NBAS: variants seen among roughly 807,000 people sequenced by gnomAD.
NBAS encodes the protein NBAS subunit of NRZ tethering complex, also known as NAG/BC035112 fusion.
A neutral mutation model predicts 302.5 loss-of-function variants in NBAS; 219 were observed. That is an observed-to-expected ratio of 0.72 (90% CI 0.65 to 0.81). The LOEUF (loss-of-function observed/expected upper bound fraction) is 0.81. Ranked by LOEUF, NBAS falls within the 30% of genes least tolerant of loss-of-function variation. NBAS has a pLI of 0.00. For missense variants in NBAS, 2,932 were observed against 2,841.6 expected (o/e 1.03, Z -0.72); for synonymous variants, 1,118 against 1,021.6 (o/e 1.09, Z -1.80).
chr2:14,901,265 G>A, the NBAS span, among the ~76,000 whole-genome samples: 9 of 152,164 alleles, frequency 5.9e-5, no homozygotes, highest in South Asian at 6.2e-4. Flanking sequence ...AAATGGAATT[G>A]CAGCTCCATT....
chr2:14,842,075 C>T, the NBAS span, among the ~76,000 whole-genome samples: 1 of 137,240 alleles, frequency 7.3e-6, no homozygotes, highest in East Asian at 1.9e-4. Flanking sequence ...TAAACATGTT[C>T]CTGAACAACT....
chr2:15,054,098 G>A, the NBAS span, among the ~76,000 whole-genome samples: 49 of 152,244 alleles, frequency 3.2e-4, no homozygotes, highest in South Asian at 4.4e-3. Flanking sequence ...ATGTATGTGC[G>A]CTTTAGAAGC....
chr2:14,847,955 C>T, the NBAS span, among the ~76,000 whole-genome samples: 1 of 152,046 alleles, frequency 6.6e-6, no homozygotes, highest in Non-Finnish European at 1.5e-5. Context: ...TGGAATACAA[C>T]TAGAAATCAA....
intron 44 of NBAS, among the ~76,000 whole-genome samples, chr2:15,272,324 G>GAAAAAA (rs1669362051): frequency 6.6e-6 from 1 of 152,160 alleles, no homozygotes; most frequent in African/African-American, 2.4e-5. Flanking sequence ...TGTATGAATA[G>GAAAAAA]TACACATTTA....
chr2:14,975,535 G>T, the NBAS span, among the ~76,000 whole-genome samples: 1 of 152,152 alleles, frequency 6.6e-6, no homozygotes, highest in African/African-American at 2.4e-5. Context: ...TCTTTCTACT[G>T]CATGGCTTTG....
intron 38 of NBAS, among the ~76,000 whole-genome samples, chr2:15,326,617 A>C (rs1672080582): frequency 2.0e-5 from 3 of 152,192 alleles, no homozygotes; most frequent in South Asian, 2.1e-4. Context: ...TATATATTCA[A>C]TTTCAACTGT....
At chr2:15,537,203 G>A (rs1462436656) in intron 7 of NBAS, among the ~76,000 whole-genome samples, 1 of 152,104 alleles carries the variant, frequency 6.6e-6, no homozygotes. Flanking sequence ...AACAGACGCA[G>A]GAAAAATTCT....
At chr2:14,965,438 A>C in the NBAS span, among the ~76,000 whole-genome samples, 1 of 152,222 alleles carries the variant, frequency 6.6e-6, no homozygotes, top group Non-Finnish European at 1.5e-5. Context: ...AAATGAACAA[A>C]GACCTTGAAA....
At chr2:14,910,074 G>C in the NBAS span, among the ~76,000 whole-genome samples, 1 of 152,156 alleles carries the variant, frequency 6.6e-6, no homozygotes, top group Non-Finnish European at 1.5e-5. Flanking sequence ...AGTTTAGCGG[G>C]GAGAGTTCTA....
At chr2:15,089,890 A>G in the NBAS span, among the ~76,000 whole-genome samples, 1 of 151,754 alleles carries the variant, frequency 6.6e-6, no homozygotes, top group Non-Finnish European at 1.5e-5. Flanking sequence ...CTGAGATTAC[A>G]GGCATGTGCC....
intron 32 of NBAS, among the ~76,000 whole-genome samples, chr2:15,364,047 A>T (rs1334243554): frequency 6.6e-6 from 1 of 152,238 alleles, no homozygotes; most frequent in East Asian, 1.9e-4. Flanking sequence ...ACCAATAGCC[A>T]TAAAGGACTG....
chr2:15,000,046 T>C, the NBAS span, among the ~76,000 whole-genome samples: 1 of 152,244 alleles, frequency 6.6e-6, no homozygotes, highest in African/African-American at 2.4e-5. Context: ...TACAACTTGC[T>C]TGCCAAACTG....
At chr2:15,538,425 A>T in intron 7 of NBAS, 1 of 374,464 alleles carries the variant, frequency 2.7e-6, no homozygotes, top group Non-Finnish European at 5.4e-6. Flanking sequence ...CTAGCTTCTC[A>T]CTAGAATCAG....
chr2:15,472,908 T>C (rs1680020604), intron 16 of NBAS, among the ~76,000 whole-genome samples: 3 of 152,234 alleles, frequency 2.0e-5, no homozygotes, highest in Admixed American at 1.3e-4. Context: ...GTGTGATTTC[T>C]GGCATCTGAC....
intron 15 of NBAS, 81 bp downstream of exon 15, chr2:15,473,986 T>C: frequency 6.4e-7 from 1 of 1,566,426 alleles, no homozygotes. Context: ...AATTTTCTCC[T>C]TTATTAAAAA....
the NBAS span, among the ~76,000 whole-genome samples, chr2:15,077,928 C>T: frequency 6.6e-6 from 1 of 151,876 alleles, no homozygotes; most frequent in African/African-American, 2.4e-5. Flanking sequence ...GTGATCTGCC[C>T]GCCTCAGCCT....
intron 51 of NBAS, among the ~76,000 whole-genome samples, chr2:15,176,458 GACACACACACACAC>G (rs71400639): frequency 2.0e-5 from 3 of 149,224 alleles, no homozygotes; most frequent in Non-Finnish European, 4.5e-5. Context: ...GTCACATGGA[GACACACACACACAC>G]ACACACACAT....
At chr2:15,536,368 C>T (rs1407696802) in intron 8 of NBAS, 50 bp downstream of exon 8, 1 of 1,572,528 alleles carries the variant, frequency 6.4e-7, no homozygotes, top group Non-Finnish European at 8.7e-7. Context: ...TGACATTAAA[C>T]CAGAGAAATA....
chr2:14,833,925 T>C, the NBAS span, among the ~76,000 whole-genome samples: 2 of 152,166 alleles, frequency 1.3e-5, no homozygotes, highest in Non-Finnish European at 2.9e-5. Flanking sequence ...AATCCACATA[T>C]ATGAAGGACT....
Sources: gnomAD v4.1 joint callset for allele counts (sites outside exome capture counted in the v4.1 genomes callset) on GRCh38, gnomAD v4.1.1 for gene constraint, MANE v1.5 for transcripts, NCBI Gene and HGNC (gene_info 2026-07-23, HGNC 2026-07-21) for gene names.